Variants in PGC observed in about 807,000 individuals in gnomAD.
PGC encodes progastricsin, also known as gastricsin.
A neutral mutation model predicts 45.9 loss-of-function variants in PGC; 31 were observed. The ratio of observed to expected loss-of-function variants is 0.67; its 90% CI spans 0.51 to 0.91. The LOEUF (loss-of-function observed/expected upper bound fraction) is 0.91, where lower values mean the gene tolerates loss of function less well. Ranked by LOEUF, PGC falls within the 40% of genes least tolerant of loss-of-function variation. The pLI is 0.00. For missense variants in PGC, 477 were observed against 493.2 expected, an observed-to-expected ratio of 0.97 and a Z score of 0.31; for synonymous variants, 192 against 201.8, an observed-to-expected ratio of 0.95 and a Z score of 0.41.
At position 41,743,332 on chromosome 6, in the gene PGC, G is replaced by A. The variant is rs145778329; in HGVS notation, c.386C>T (p.Thr129Ile). The change falls in exon 4 of 9, where the codon ACC (threonine) becomes ATC (isoleucine). Residue 129 changes from threonine (T) to isoleucine (I), a missense_variant. Coordinates refer to ENST00000373025, the MANE Select transcript of PGC (RefSeq NM_002630.4). ...ESSTYSTNGQ[T>I]FSLQYGSGSL... Reference sequence around the variant, plus strand: ...GCCACTGCCATACTGCAGGGAGAAGGTCTGCCCATTGGTGGAGTAGGTGGA... The same window carrying A: ...GCCACTGCCATACTGCAGGGAGAAGATCTGCCCATTGGTGGAGTAGGTGGA... The A allele has an allele frequency of 4.8e-5, 78 of 1,613,992 alleles. No individual in the cohort carries two copies. Among genetic ancestry groups the A allele is most frequent in the Non-Finnish European group, 6.4e-5 (75 of 1,179,938 alleles).
chr6:41,741,157 G>C (rs1230539926), intron 5 of PGC: 1 of 1,536,812 alleles, frequency 6.5e-7, no homozygotes, highest in East Asian at 2.4e-5. Context: ...TTGGTGAAGG[G>C]GGTAAGGATA....
chr6:41,736,966 G>A lies in PGC; in HGVS notation c.1053C>T (p.Tyr351=), dbSNP rs774272287. 15 of 1,613,978 alleles carry A rather than the reference G, an allele frequency of 9.3e-6. No homozygotes were observed. Among genetic ancestry groups the A allele is most frequent in the Non-Finnish European group, 1.1e-5 (13 of 1,179,998 alleles). ...GGGGCTGGCCGTTCTGGGAGGACAG[G>A]TAGGTGGGCTCGACTCCCACGGTGC... The part of the protein sequence containing the change: ...GYCTVGVEPT[Y]LSSQNGQPLW... Residue 351 remains tyrosine (Y), a synonymous_variant, in exon 9 of 9, where the codon TAC becomes TAT. Coordinates refer to ENST00000373025, the MANE Select transcript of PGC (RefSeq NM_002630.4).
chr6:41,742,626 T>G, intron 4 of PGC, 137 bp from the exon 5 acceptor site: 1 of 686,104 alleles, frequency 1.5e-6, no homozygotes, highest in Middle Eastern at 2.7e-4. Flanking sequence ...GTTTTCTTGT[T>G]TGTTTGTTTG....
At chr6:41,738,264 G>GCA (rs10557594) in intron 7 of PGC, among the ~76,000 whole-genome samples, 10 of 47,198 alleles carry the variant, frequency 2.1e-4, no homozygotes, top group African/African-American at 9.5e-4. Context: ...ATATATATAT[G>GCA]CACACACACA....
rs1418659990 is a variant in PGC, at chr6:41,743,394, AGGGGAGTCAGGGCAT to A, written c.329-20_329-6del. On this transcript the variant is annotated splice_polypyrimidine_tract_variant and splice_region_variant and intron_variant, in intron 3 of 8. Transcript: ENST00000373025. ...GGTTGAAGCGGGAGTGACTGGCTGC[AGGGGAGTCAGGGCAT>A]GGGGAGTCAGGCCGGCTGGGGCAGG... The A allele has an allele frequency of 6.3e-7, 1 of 1,575,134 alleles. No homozygotes were observed. The highest frequency in any genetic ancestry group is 8.7e-7 in the Non-Finnish European group (1 of 1,144,550).
rs1771686990 is a variant in PGC, at chr6:41,736,728, T to C, written c.*124A>G. On this transcript the variant is annotated 3_prime_UTR_variant, in exon 9 of 9. Coordinates refer to ENST00000373025, the MANE Select transcript of PGC (RefSeq NM_002630.4). ...GACCAACATAAAGAAGAACTATTTA[T>C]TATTAGAGAAAGTCCAGAGTCCAGA... 9.9e-7 allele frequency: 1 copy of C among 1,013,784 alleles called. No homozygotes were observed. The highest frequency in any genetic ancestry group is 1.6e-6 in the Non-Finnish European group (1 of 642,306). The allele number at this position is 1,013,784 out of a possible 1,614,324, so 62.8% of individuals were successfully genotyped here.
At chr6:41,738,398 T>C (rs1042224219) in intron 7 of PGC, among the ~76,000 whole-genome samples, 4 of 148,848 alleles carry the variant, frequency 2.7e-5, no homozygotes, top group African/African-American at 1.0e-4. Flanking sequence ...GAGGCCGAGG[T>C]AGGCAGATTG....
chr6:41,740,943 C>T, intron 5 of PGC: 11 of 1,496,988 alleles, frequency 7.3e-6, no homozygotes, highest in African/African-American at 1.4e-5. Context: ...TAGACTGGGG[C>T]TTTCTGGCCA....
At chr6:41,742,950 G>C (rs1205445808) in intron 4 of PGC, among the ~76,000 whole-genome samples, 4 of 152,196 alleles carry the variant, frequency 2.6e-5, no homozygotes, top group Non-Finnish European at 4.4e-5. Context: ...AGGTGTTGCA[G>C]GAGCCACCTC....
In PGC at chr6:41,736,766, A is replaced by T. The variant is rs751478171; in HGVS notation, c.*86T>A. ...TCCAGAGTCCAGAAAAAGAAGGCTG[A>T]ATCCAGAGTGGAAAGACAGATACAA... On this transcript the variant is annotated 3_prime_UTR_variant, in exon 9 of 9. Transcript: ENST00000373025. The T allele has an allele frequency of 7.4e-7, 1 of 1,353,396 alleles. No homozygotes were observed. The highest frequency in any genetic ancestry group is 1.1e-6 in the Non-Finnish European group (1 of 942,920). The allele number at this position is 1,353,396 out of a possible 1,614,324, so 83.8% of individuals were successfully genotyped here.
chr6:41,743,079 G>A (rs1434804645), intron 4 of PGC, among the ~76,000 whole-genome samples, 192 bp downstream of exon 4: 2 of 152,144 alleles, frequency 1.3e-5, no homozygotes, highest in Non-Finnish European at 2.9e-5. Context: ...GTTCAGTATG[G>A]TGCCCCAGTG....
chr6:41,745,024 C>T (rs952722898), intron 1 of PGC, among the ~76,000 whole-genome samples: 34 of 148,966 alleles, frequency 2.3e-4, no homozygotes, highest in South Asian at 1.3e-3. Flanking sequence ...TGCGCGCGCG[C>T]GTGTTTCTTC....
In PGC at chr6:41,744,322, G is replaced by T; in HGVS notation, c.328+75C>A. The T allele has an allele frequency of 9.8e-7, 1 of 1,021,548 alleles. No individual in the cohort carries two copies. The highest frequency in any genetic ancestry group is 1.4e-5 in the South Asian group (1 of 68,980). 63.3% of individuals were successfully genotyped at this position (1,021,548 alleles called of 1,614,324 possible). A position where few individuals can be genotyped will look rare whatever the true frequency, so the allele number is the denominator to read the frequency against. Reference sequence around the variant, plus strand: ...TCCCCTCAGTCCTGAGCTCCCTCTGGAAGTTTGGCCCTCCCCAGAGGGTAT... The same window carrying T: ...TCCCCTCAGTCCTGAGCTCCCTCTGTAAGTTTGGCCCTCCCCAGAGGGTAT... On this transcript the variant is annotated intron_variant, in intron 3 of 8. Transcript: ENST00000373025. The surrounding 1 kb of genome is among the most constrained non-coding windows in gnomAD (Gnocchi z 4.4).
Position 41,740,558 on chromosome 6 carries a change from G to A in PGC, c.700C>T (p.Leu234=). ...AVVFGGVDSS[L]YTGQIYWAPV... ...GCCCAGTAGATCTGCCCCGTGTACA[G>A]GCTGCTATCCACACCCCCAAAGACA... The change falls in exon 6 of 9, where the codon CTG becomes TTG. Residue 234 remains leucine, a synonymous_variant. Coordinates refer to ENST00000373025, the MANE Select transcript of PGC (RefSeq NM_002630.4). 3 of 1,610,304 alleles carry A rather than the reference G, an allele frequency of 1.9e-6. No individual in the cohort carries two copies. Among genetic ancestry groups the A allele is most frequent in the Non-Finnish European group, 2.5e-6 (3 of 1,178,262 alleles).
intron 6 of PGC, 52 bp from the exon 7 acceptor site, chr6:41,739,998 T>C (rs1357091995): frequency 6.4e-7 from 1 of 1,560,204 alleles, no homozygotes; most frequent in South Asian, 1.2e-5. Flanking sequence ...TCAGGGCAGC[T>C]GGGGCGGGCT....
At chr6:41,746,761 C>A (rs935534027) in intron 1 of PGC, among the ~76,000 whole-genome samples, 1 of 152,328 alleles carries the variant, frequency 6.6e-6, no homozygotes, top group East Asian at 1.9e-4. Context: ...GCAGGCTGGG[C>A]GCCTTCCTGA....
In PGC at chr6:41,744,989, G is replaced by C. The variant is rs71544443; in HGVS notation, c.60-181C>G. ...TTTTGCTCTCTGTCTCTGTCTGTCT[G>C]TCTCTCTGTGTGTGTGTGTGTGTGT... On this transcript the variant is annotated intron_variant, in intron 1 of 8. Coordinates refer to ENST00000373025, the MANE Select transcript of PGC (RefSeq NM_002630.4). This position sits in a 1 kb window ranked among gnomAD's most constrained non-coding sequence, Gnocchi z 4.4. Among the ~76,000 whole-genome samples, 24 of 81,112 alleles carry C rather than the reference G, an allele frequency of 3.0e-4. No homozygotes were observed. Among genetic ancestry groups the C allele is most frequent in the South Asian group, 1.7e-3 (5 of 2,930 alleles). 53.2% of individuals were successfully genotyped at this position (81,112 alleles called of 152,430 possible). A position where few individuals can be genotyped will look rare whatever the true frequency, so the allele number is the denominator to read the frequency against.
chr6:41,740,415 T>G (rs1397625098), intron 6 of PGC, 76 bp downstream of exon 6: 1 of 1,222,728 alleles, frequency 8.2e-7, no homozygotes, highest in African/African-American at 1.5e-5. Flanking sequence ...AGTGCCAGAC[T>G]GTGTGTGTGT....
At chr6:41,747,203 G>C (rs967068891) in intron 1 of PGC, 73 bp downstream of exon 1, 1 of 1,279,876 alleles carries the variant, frequency 7.8e-7, no homozygotes, top group Non-Finnish European at 1.1e-6. Context: ...GTGTCCCCTG[G>C]CCCAGTTGCC....
Sources: gnomAD v4.1 joint callset for allele counts (sites outside exome capture counted in the v4.1 genomes callset) on GRCh38, gnomAD v4.1.1 for gene constraint, Gnocchi (gnomAD v3.1) non-coding constraint, MANE v1.5 for transcripts, NCBI Gene and HGNC (gene_info 2026-07-23, HGNC 2026-07-21) for gene names.